The following VWF variants were observed in gnomAD, a reference collection of about 807,000 sequenced individuals.
VWF encodes Factor VIII related antigen.
A neutral mutation model predicts 308.6 loss-of-function variants in VWF; 176 were observed. That is an observed-to-expected ratio of 0.57 (90% confidence interval 0.50 to 0.65). VWF has a LOEUF of 0.65. Ranked by LOEUF, VWF falls within the 30% of genes least tolerant of loss-of-function variation. The pLI, the probability that VWF is intolerant of heterozygous loss-of-function variation, is 0.00. For synonymous variants in VWF, 1,385 were observed against 1,443.4 expected (o/e 0.96, Z 0.92); for missense variants, 3,146 against 3,648.2 (o/e 0.86, Z 3.55).
rs2136522699 is a variant in VWF at position 6,110,879 on chromosome 12, G to A, written c.310C>T (p.Gln104Ter). The A allele has an allele frequency of 6.2e-7, 1 of 1,614,058 alleles. No homozygotes were observed. Among genetic ancestry groups the A allele is most frequent in the Non-Finnish European group, 8.5e-7 (1 of 1,179,944 alleles). Residue 104 changes from glutamine to a stop codon, truncating the protein, a stop_gained, in exon 4 of 52, where the codon CAG becomes TAG. Transcript: ENST00000261405. LOFTEE classifies it high-confidence loss of function. ...TTGTTGGCTTACCTTTGGTCCCCCT[G>A]TGTCACGGTACCATTGACAAACAAA... is the stretch of plus-strand genomic sequence containing the variant. ...IHLFVNGTVT[Q>*]GDQRVSMPYA...
At chr12:6,038,006 T>C (rs1383478649) in intron 18 of VWF, among the ~76,000 whole-genome samples, 1 of 152,170 alleles carries the variant, frequency 6.6e-6, no homozygotes, top group Non-Finnish European at 1.5e-5. Context: ...GCCCAGCTGA[T>C]GGGTCAGGAT....
chr12:5,980,230 GGGAGGGAGGGAA>G (rs1943589895), intron 42 of VWF, among the ~76,000 whole-genome samples: 1 of 63,444 alleles, frequency 1.6e-5, no homozygotes, highest in African/African-American at 5.6e-5. Context: ...GAGGGAGGGA[GGGAGGGAGGGAA>G]GGAAGGAAGT....
intron 6 of VWF, among the ~76,000 whole-genome samples, chr12:6,087,337 G>A (rs956669303): frequency 6.7e-6 from 1 of 149,542 alleles, no homozygotes; most frequent in Non-Finnish European, 1.5e-5. Flanking sequence ...CAGCAAGGGT[G>A]TCTCAAAGAC....
chr12:6,123,286 A>G, intron 1 of VWF, 90 bp from the exon 2 acceptor site: 1 of 1,435,518 alleles, frequency 7.0e-7, no homozygotes, highest in South Asian at 1.1e-5. Context: ...AGTAGCAAAA[A>G]CATTTCTTTA....
At position 5,985,524 on chromosome 12, in the gene VWF, G is replaced by A. The variant is rs777977658; in HGVS notation, c.6901+39C>T. 2.5e-6 allele frequency: 4 copies of A among 1,599,452 alleles called. No individual in the cohort carries two copies. In the South Asian group the frequency reaches 3.3e-5, roughly 13 times the overall value. Reference sequence around the variant, plus strand: ...GCTGGGGGGCCTTGCAGGGGCCCTTGTTCCTCCATGAAGGCACCAGGGAGG... The same window carrying A: ...GCTGGGGGGCCTTGCAGGGGCCCTTATTCCTCCATGAAGGCACCAGGGAGG... On this transcript the variant is annotated intron_variant, in intron 39 of 51. Coordinates refer to ENST00000261405, the MANE Select transcript of VWF (RefSeq NM_000552.5).
intron 3 of VWF, among the ~76,000 whole-genome samples, chr12:6,116,698 C>T (rs932295107): frequency 3.9e-5 from 6 of 152,178 alleles, no homozygotes; most frequent in Admixed American, 1.3e-4. Context: ...GGCAAACAGC[C>T]GTGTCGCCTT....
chr12:6,005,171 A>T (rs1325338145), intron 34 of VWF, among the ~76,000 whole-genome samples: 1 of 152,240 alleles, frequency 6.6e-6, no homozygotes, highest in African/African-American at 2.4e-5. Context: ...AAAACATACC[A>T]TAAAGCCTTT....
rs1347547012 is a variant in VWF at position 6,062,831 on chromosome 12, G to A, written c.1533+123C>T. 4 of 779,402 alleles carry A rather than the reference G, an allele frequency of 5.1e-6. No homozygotes were observed. The African/African-American group carries it at 6.8e-5, about 13-fold the overall frequency. The allele number at this position is 779,402 out of a possible 1,614,324, so 48.3% of individuals were successfully genotyped here. Reference sequence around the variant, plus strand: ...AAGAGAGGCCTGTTTCTCGCTCTGGGGGTGTAGGCCATGAGGAGAAAGGAA... The same window carrying A: ...AAGAGAGGCCTGTTTCTCGCTCTGGAGGTGTAGGCCATGAGGAGAAAGGAA... On this transcript the variant is annotated intron_variant, in intron 13 of 51. Coordinates refer to ENST00000261405, the MANE Select transcript of VWF (RefSeq NM_000552.5).
intron 34 of VWF, among the ~76,000 whole-genome samples, chr12:5,997,756 C>T (rs139101648): frequency 1.0e-3 from 156 of 152,296 alleles, no homozygotes; most frequent in Non-Finnish European, 1.8e-3. Flanking sequence ...TGAGGTCCTT[C>T]CATCTCCAGA....
chr12:5,964,019 A>G (rs1426171544), intron 47 of VWF, among the ~76,000 whole-genome samples: 4 of 151,832 alleles, frequency 2.6e-5, no homozygotes, highest in South Asian at 2.1e-4. Context: ...CATTCTGGTT[A>G]ACACGGTGAA....
At chr12:5,953,389 A>C in intron 48 of VWF, 107 bp downstream of exon 48, 1 of 788,958 alleles carries the variant, frequency 1.3e-6, no homozygotes, top group African/African-American at 1.7e-5. Context: ...ATAGAAAAAG[A>C]AGCCAATACT....
At chr12:5,963,244 A>G (rs1943339380) in intron 47 of VWF, among the ~76,000 whole-genome samples, 1 of 152,240 alleles carries the variant, frequency 6.6e-6, no homozygotes, top group Non-Finnish European at 1.5e-5. Flanking sequence ...ACTAGTATCC[A>G]AAATACAGAA....
intron 6 of VWF, among the ~76,000 whole-genome samples, chr12:6,092,631 GTGTGT>G (rs1229219657): frequency 7.5e-6 from 1 of 132,814 alleles, no homozygotes; most frequent in Non-Finnish European, 1.6e-5. Flanking sequence ...GTGTGTGTGT[GTGTGT>G]GTGTGTGTGT....
Position 6,110,548 on chromosome 12 carries a change from G to A in VWF, c.358C>T (p.Leu120=), listed in dbSNP as rs777585191. 6 of 1,614,200 alleles carry A rather than the reference G, an allele frequency of 3.7e-6. No individual in the cohort carries two copies. Among genetic ancestry groups the A allele is most frequent in the South Asian group, 1.1e-5 (1 of 91,090 alleles). ...SMPYASKGLY[L]ETEAGYYKLS... ...TTGTAGTACCCAGCCTCAGTTTCTAGATACAGCCCTTTGGAGGCATAGGGC... is the reference window on the plus strand; with the variant it reads ...TTGTAGTACCCAGCCTCAGTTTCTAAATACAGCCCTTTGGAGGCATAGGGC... The change falls in exon 5 of 52, where the codon CTA becomes TTA. Residue 120 remains leucine, a synonymous_variant. Transcript: ENST00000261405.
intron 22 of VWF, among the ~76,000 whole-genome samples, chr12:6,027,233 C>T (rs1017424304): frequency 1.3e-5 from 2 of 152,106 alleles, no homozygotes; most frequent in Non-Finnish European, 2.9e-5. Flanking sequence ...CCACACTGAC[C>T]TCCTTGTACA....
chr12:6,065,385 C>T lies in VWF; in HGVS notation c.1157-112G>A, dbSNP rs780513495. On this transcript the variant is annotated intron_variant, in intron 10 of 51. Transcript: ENST00000261405. ...GTGCCCTTCCCCAAAACTGCATGGA[C>T]GTCCTTTGCCCAAACCAGTCTAAAA... The T allele has an allele frequency of 1.7e-4, 229 of 1,378,784 alleles. 2 individuals are homozygous for T. In the East Asian group the frequency reaches 2.7e-3, roughly 16 times the overall value. The allele number at this position is 1,378,784 out of a possible 1,614,324, so 85.4% of individuals were successfully genotyped here. A position where few individuals can be genotyped will look rare whatever the true frequency, so the allele number is the denominator to read the frequency against.
chr12:6,045,441 T>C (rs1944437239), intron 17 of VWF, among the ~76,000 whole-genome samples: 1 of 152,202 alleles, frequency 6.6e-6, no homozygotes, highest in Admixed American at 6.5e-5. Flanking sequence ...GACTAGAAGA[T>C]TCTGAGCAGA....
At chr12:6,000,811 C>CAAA (rs71064181) in intron 34 of VWF, among the ~76,000 whole-genome samples, 70 of 69,752 alleles carry the variant, frequency 1.0e-3, no homozygotes, top group Admixed American at 1.3e-3. Flanking sequence ...GACTCTGTCT[C>CAAA]AAAAAAAAAA....
chr12:5,990,205 A>G (rs910989934), intron 38 of VWF, among the ~76,000 whole-genome samples: 1 of 152,254 alleles, frequency 6.6e-6, no homozygotes, highest in East Asian at 1.9e-4. Context: ...CCATGCTCCA[A>G]TGAACATGAG....
Sources: gnomAD v4.1 joint callset for allele counts (sites outside exome capture counted in the v4.1 genomes callset) on GRCh38, gnomAD v4.1.1 for gene constraint, MANE v1.5 for transcripts, NCBI Gene and HGNC (gene_info 2026-07-23, HGNC 2026-07-21) for gene names.